ZEB2: variants seen among roughly 807,000 people sequenced by gnomAD.
ZEB2 encodes zinc finger E-box binding homeobox 2, also known as zinc finger E-box-binding homeobox 2.
Under a neutral mutation model 99.9 loss-of-function variants are expected in ZEB2, and 6 were observed. The observed-to-expected ratio is 0.06, with a 90% CI of 0.03 to 0.12. The LOEUF (loss-of-function observed/expected upper bound fraction) is 0.12. Among genes scored for constraint, ZEB2 ranks in the 10% least tolerant of loss-of-function variants. The probability of loss-of-function intolerance (pLI) is 1.00; values close to 1 mark genes in which losing one functional copy is unlikely to be tolerated. For synonymous variants in ZEB2, 517 were observed against 542.5 expected, an observed-to-expected ratio of 0.95 and a Z score of 0.65; for missense variants, 969 against 1,502.8, an observed-to-expected ratio of 0.64 and a Z score of 5.87.
chr2:144,408,722 T>C (rs1307069590), intron 4 of ZEB2, among the ~76,000 whole-genome samples: 1 of 152,196 alleles, frequency 6.6e-6, no homozygotes, highest in Non-Finnish European at 1.5e-5. Flanking sequence ...CATTTCCTGA[T>C]TGCCAAGGCT....
At chr2:144,433,195 A>G (rs1703796136) in intron 2 of ZEB2, among the ~76,000 whole-genome samples, 1 of 152,178 alleles carries the variant, frequency 6.6e-6, no homozygotes, top group African/African-American at 2.4e-5. Context: ...AATAGACACT[A>G]ATTTTACATC....
chr2:144,432,607 A>C (rs1222010592), intron 2 of ZEB2, among the ~76,000 whole-genome samples: 1 of 152,160 alleles, frequency 6.6e-6, no homozygotes, highest in Non-Finnish European at 1.5e-5. Flanking sequence ...TTTTCCTTTA[A>C]AATGTTCCCT....
At chr2:144,472,705 G>A (rs971695113) in intron 2 of ZEB2, among the ~76,000 whole-genome samples, 1 of 152,080 alleles carries the variant, frequency 6.6e-6, no homozygotes, top group African/African-American at 2.4e-5. Flanking sequence ...AAGGAAGCAC[G>A]GATGGACTAC....
At chr2:144,430,139 A>C in intron 2 of ZEB2, 113 bp from the exon 3 acceptor site, 9 of 1,437,510 alleles carry the variant, frequency 6.3e-6, no homozygotes, top group Non-Finnish European at 8.6e-6. Context: ...TGAATTACTC[A>C]ACCATGTCAG....
rs2149931000 is a variant in ZEB2 at position 144,511,799 on chromosome 2, G to T, written c.73+5479C>A. On this transcript the variant is annotated intron_variant, in intron 2 of 9. Coordinates refer to ENST00000627532, the MANE Select transcript of ZEB2 (RefSeq NM_014795.4). ...TCTTCTGATTGCTAAAGACAGAAAA[G>T]AAGTAAAGAGGGGGAATAGGGCTAT... is the stretch of plus-strand genomic sequence containing the variant. 3.1e-6 allele frequency: 4 copies of T among 1,286,768 alleles called. No individual in the cohort carries two copies. In the South Asian group the frequency reaches 4.9e-5, roughly 16 times the overall value. 79.7% of individuals were successfully genotyped at this position (1,286,768 alleles called of 1,614,324 possible).
chr2:144,517,951 C>A, intron 1 of ZEB2: 2 of 398,972 alleles, frequency 5.0e-6, no homozygotes, highest in Non-Finnish European at 9.3e-6. Context: ...CCAGCGCCCC[C>A]TCCCCTCCCC....
At chr2:144,485,949 A>C (rs1014147173) in intron 2 of ZEB2, among the ~76,000 whole-genome samples, 1 of 152,218 alleles carries the variant, frequency 6.6e-6, no homozygotes, top group Non-Finnish European at 1.5e-5. Flanking sequence ...AGCTTAAGAA[A>C]GTAAAAAGGA....
intron 2 of ZEB2, chr2:144,513,763 T>A (rs1001081762): frequency 3.3e-5 from 51 of 1,535,788 alleles, no homozygotes; most frequent in Middle Eastern, 1.7e-4. Flanking sequence ...CAGCAGGGCA[T>A]CTCCCGCTCC....
At chr2:144,441,469 C>T (rs536178183) in intron 2 of ZEB2, among the ~76,000 whole-genome samples, 2 of 151,108 alleles carry the variant, frequency 1.3e-5, no homozygotes, top group South Asian at 4.2e-4. Context: ...GAGGCCAAAT[C>T]ATATGCTTCT....
At position 144,424,847 on chromosome 2, in the gene ZEB2, C is replaced by A; in HGVS notation, c.352G>T (p.Asp118Tyr). 6.2e-7 allele frequency: 1 copy of A among 1,613,932 alleles called. No homozygotes were observed. Among genetic ancestry groups the A allele is most frequent in the East Asian group, 2.2e-5 (1 of 44,870 alleles). ...ATCGTGGCTTCTGGCCCCATAGTGTCATAGTCTTCCTTCATTTCTTCTGTG... is the reference window on the plus strand; with the variant it reads ...ATCGTGGCTTCTGGCCCCATAGTGTAATAGTCTTCCTTCATTTCTTCTGTG... ...DGPEEMKEDY[D>Y]TMGPEATIQT... The change falls in exon 4 of 10, where the codon GAC becomes TAC. Residue 118 changes from aspartate (D) to tyrosine (Y), a missense_variant. Asp to Tyr is a radical substitution (Grantham distance 160). Around this residue, in one of 8 missense-constraint regions of ZEB2, gnomAD observed 173 missense variants for 217.7 expected, o/e 0.79. Coordinates refer to ENST00000627532, the MANE Select transcript of ZEB2 (RefSeq NM_014795.4).
At chr2:144,512,341 C>A (rs1318341668) in intron 2 of ZEB2, 1 of 1,287,148 alleles carries the variant, frequency 7.8e-7, no homozygotes, top group Non-Finnish European at 1.0e-6. Flanking sequence ...GGAAAAGAAT[C>A]TCCCACATCT....
intron 7 of ZEB2, among the ~76,000 whole-genome samples, chr2:144,400,555 A>T (rs777451807): frequency 3.9e-5 from 6 of 152,210 alleles, no homozygotes; most frequent in Non-Finnish European, 8.8e-5. Context: ...ATTTAAACAG[A>T]GTGTCAGACT....
chr2:144,488,585 T>G (rs537020666), intron 2 of ZEB2, among the ~76,000 whole-genome samples: 14 of 152,236 alleles, frequency 9.2e-5, no homozygotes, highest in African/African-American at 3.4e-4. Context: ...ATTGTCATTC[T>G]TTGGAATTAA....
intron 4 of ZEB2, among the ~76,000 whole-genome samples, chr2:144,416,096 C>A (rs1053236693): frequency 1.3e-5 from 2 of 152,238 alleles, no homozygotes; most frequent in African/African-American, 4.8e-5. Flanking sequence ...GAACCGCGAA[C>A]TTTCGCTCTC....
chr2:144,449,102 G>A (rs937848603), intron 2 of ZEB2, among the ~76,000 whole-genome samples: 16 of 152,188 alleles, frequency 1.1e-4, no homozygotes, highest in African/African-American at 9.7e-5. Flanking sequence ...GCCTGCGCAC[G>A]CTGGGGCAAG....
At chr2:144,511,514 A>G (rs2149930795) in intron 2 of ZEB2, 1 of 1,282,386 alleles carries the variant, frequency 7.8e-7, no homozygotes, top group Non-Finnish European at 1.0e-6. Context: ...AAAGGCTTCC[A>G]TGGAGCCTAC....
intron 3 of ZEB2, 155 bp from the exon 4 acceptor site, chr2:144,425,022 T>C (rs1365218020): frequency 4.1e-6 from 3 of 737,542 alleles, no homozygotes; most frequent in African/African-American, 1.8e-5. Context: ...GGCAATTGAA[T>C]GAATCCAATA....
intron 7 of ZEB2, 83 bp downstream of exon 7, chr2:144,401,116 A>C: frequency 8.1e-7 from 1 of 1,237,892 alleles, no homozygotes; most frequent in Non-Finnish European, 1.2e-6. Flanking sequence ...TACAAATAGG[A>C]CTGTGTAAAT....
intron 2 of ZEB2, among the ~76,000 whole-genome samples, chr2:144,505,151 A>G (rs1425137064): frequency 7.2e-6 from 1 of 138,490 alleles, no homozygotes; most frequent in Non-Finnish European, 1.6e-5. Context: ...GAGAGAGAAG[A>G]AAAAAAAAAA....
Sources: gnomAD v4.1 joint callset for allele counts (sites outside exome capture counted in the v4.1 genomes callset) on GRCh38, gnomAD v4.1.1 for gene constraint, gnomAD v4.1.1 regional missense constraint, MANE v1.5 for transcripts, NCBI Gene and HGNC (gene_info 2026-07-23, HGNC 2026-07-21) for gene names.